Variants in OAT observed in about 807,000 individuals in gnomAD.
OAT encodes ornithine aminotransferase, mitochondrial.
OAT carries 35 observed loss-of-function variants against 48.4 expected under a neutral mutation model. That is an observed-to-expected ratio of 0.72 (90% CI 0.55 to 0.96). The LOEUF (loss-of-function observed/expected upper bound fraction) is 0.96. Among genes scored for constraint, OAT ranks in the 40% least tolerant of loss-of-function variants. The pLI, the probability that OAT is intolerant of heterozygous loss-of-function variation, is 0.00. For synonymous variants in OAT, 182 were observed against 198.4 expected (o/e 0.92, Z 0.70); for missense variants, 438 against 537.9 (o/e 0.81, Z 1.84).
At position 124,417,234 on chromosome 10, in the gene OAT, C is replaced by A. The variant is rs552649156; in HGVS notation, c.-30+1639G>T. Among the ~76,000 whole-genome samples the A allele has an allele frequency of 3.6e-5, 5 of 140,704 alleles. No individual in the cohort carries two copies. The East Asian group carries it at 1.0e-3, about 29-fold the overall frequency. 92.3% of individuals were successfully genotyped at this position (140,704 alleles called of 152,430 possible). ...TGGATTTTTCTTTGGGGGGGGGATG[C>A]AAAACTAATCTTAAACACCATGAAA... is the stretch of plus-strand genomic sequence containing the variant. On this transcript the variant is annotated intron_variant, in intron 1 of 9. Coordinates refer to ENST00000368845, the MANE Select transcript of OAT (RefSeq NM_000274.4).
intron 9 of OAT, 118 bp from the exon 10 acceptor site, chr10:124,398,220 G>A (rs1951292497): frequency 2.6e-6 from 3 of 1,174,028 alleles, no homozygotes; most frequent in Admixed American, 2.0e-5. Context: ...CTCAACTAAG[G>A]GAAGCTTGGG....
At chr10:124,408,481 T>C in intron 4 of OAT, 61 bp downstream of exon 4, 2 of 1,455,098 alleles carry the variant, frequency 1.4e-6, no homozygotes, top group Non-Finnish European at 9.6e-7. Flanking sequence ...CCACCATGCC[T>C]GGCCACAGTA....
intron 9 of OAT, among the ~76,000 whole-genome samples, chr10:124,399,832 A>G (rs909546571): frequency 6.6e-6 from 1 of 152,190 alleles, no homozygotes; most frequent in African/African-American, 2.4e-5. Flanking sequence ...TGTCATTCAT[A>G]TCATTATTTC....
chr10:124,411,154 AAAAAAAAAAAG>A lies in OAT; in HGVS notation c.199+808_199+818del, dbSNP rs1287062732. ...CATTCCGTCTCAAAAAAAAAAAAAA[AAAAAAAAAAAG>A]AAGAAGAGATGTCATGTCTGCAACT... On this transcript the variant is annotated intron_variant, in intron 2 of 9. Coordinates refer to ENST00000368845, the MANE Select transcript of OAT (RefSeq NM_000274.4). 2.0e-4 allele frequency among the ~76,000 whole-genome samples: 29 copies of A among 145,842 alleles called. 1 individual carries two copies. The highest frequency in any genetic ancestry group is 4.1e-4 in the Admixed American group (6 of 14,494).
intron 2 of OAT, among the ~76,000 whole-genome samples, chr10:124,409,662 AT>A (rs534123065): frequency 1.2e-4 from 19 of 152,192 alleles, no homozygotes; most frequent in Non-Finnish European, 2.4e-4. Flanking sequence ...TGGAAAAAAA[AT>A]ATTTGTAAAT....
At chr10:124,399,929 C>A (rs1450416895) in intron 9 of OAT, among the ~76,000 whole-genome samples, 1 of 152,046 alleles carries the variant, frequency 6.6e-6, no homozygotes, top group East Asian at 1.9e-4. Flanking sequence ...TCCAGACTCA[C>A]CAACAAAAAA....
At chr10:124,410,587 C>T (rs1004629973) in intron 2 of OAT, among the ~76,000 whole-genome samples, 1 of 152,084 alleles carries the variant, frequency 6.6e-6, no homozygotes, top group Non-Finnish European at 1.5e-5. Flanking sequence ...GGTAGGATCA[C>T]TTGAGACCAG....
intron 4 of OAT, 120 bp from the exon 5 acceptor site, chr10:124,405,683 C>A: frequency 6.5e-7 from 1 of 1,536,910 alleles, no homozygotes; most frequent in Non-Finnish European, 8.8e-7. Flanking sequence ...TGCTTTAGTG[C>A]ACCTTCGGTG....
chr10:124,405,554 A>C lies in OAT; in HGVS notation c.530T>G (p.Phe177Cys). ...GATAGCAGACAACGTCCTACCCCAG[A>C]AGTTCCCAGCTACAAAGGGGAAACA... ...KAKIVFAAGN[F>C]WGRTLSAISS... Residue 177 changes from phenylalanine to cysteine, a missense_variant, in exon 5 of 10, where the codon TTC (phenylalanine) becomes TGC (cysteine). Phe to Cys is a radical substitution (Grantham distance 205, BLOSUM62 -2). Coordinates refer to ENST00000368845, the MANE Select transcript of OAT (RefSeq NM_000274.4). 2 of 1,614,002 alleles carry C rather than the reference A, an allele frequency of 1.2e-6. No individual in the cohort carries two copies. The highest frequency in any genetic ancestry group is 1.7e-6 in the Non-Finnish European group (2 of 1,179,900).
rs779470531 is a variant in OAT at position 124,405,423 on chromosome 10, G to A, written c.648+13C>T. 21 of 1,612,218 alleles carry A rather than the reference G, an allele frequency of 1.3e-5. No individual in the cohort carries two copies. The highest frequency in any genetic ancestry group is 2.2e-5 in the East Asian group (1 of 44,860). On this transcript the variant is annotated intron_variant, in intron 5 of 9. Coordinates refer to ENST00000368845, the MANE Select transcript of OAT (RefSeq NM_000274.4). Reference sequence around the variant, plus strand: ...TTCCCAATGAGCTGAGCACTATGATGCTAGTGAAATACCTCCAGTGCGGGC... The same window carrying A: ...TTCCCAATGAGCTGAGCACTATGATACTAGTGAAATACCTCCAGTGCGGGC...
At chr10:124,412,222 CA>C in intron 1 of OAT, 22 bp from the exon 2 acceptor site, 1 of 1,550,578 alleles carries the variant, frequency 6.4e-7, no homozygotes, top group South Asian at 1.1e-5. Context: ...AAAGAGAATG[CA>C]TTAAGAGTGA....
intron 9 of OAT, among the ~76,000 whole-genome samples, 193 bp downstream of exon 9, chr10:124,400,647 G>T (rs1445205902): frequency 6.6e-6 from 1 of 152,084 alleles, no homozygotes; most frequent in Non-Finnish European, 1.5e-5. Context: ...CAGCTACTCA[G>T]GAGGCTGAGG....
intron 5 of OAT, among the ~76,000 whole-genome samples, chr10:124,404,123 T>C (rs1001993827): frequency 5.3e-5 from 8 of 152,160 alleles, no homozygotes; most frequent in Non-Finnish European, 1.0e-4. Context: ...TACATTTCCT[T>C]TTTTGCCTCA....
At position 124,408,898 on chromosome 10, in the gene OAT, G is replaced by C; in HGVS notation, c.267C>G (p.Asn89Lys). 6.2e-7 allele frequency: 1 copy of C among 1,613,932 alleles called. No individual in the cohort carries two copies. The highest frequency in any genetic ancestry group is 8.5e-7 in the Non-Finnish European group (1 of 1,179,990). The change falls in exon 3 of 10, where the codon AAC (asparagine) becomes AAG (lysine). Residue 89 changes from asparagine (N) to lysine (K), a missense_variant. Transcript: ENST00000368845. ...FDFLSSYSAV[N>K]QGHCHPKIVN... is the part of the protein sequence containing the mutation. ...CAATCTTGGGGTGACAATGCCCTTG[G>C]TTGACAGCACTGTAAGAACTCAGGA...
chr10:124,412,795 C>T (rs1951799607), intron 1 of OAT, among the ~76,000 whole-genome samples: 1 of 152,136 alleles, frequency 6.6e-6, no homozygotes, highest in South Asian at 2.1e-4. Flanking sequence ...ATCAATCAAC[C>T]AACCAATCAA....
rs760716065 is a variant in OAT, at chr10:124,412,123, C to T, written c.49G>A (p.Gly17Arg). The change falls in exon 2 of 10, where the codon GGA (glycine) becomes AGA (arginine). Residue 17 changes from glycine to arginine, a missense_variant. Coordinates refer to ENST00000368845, the MANE Select transcript of OAT (RefSeq NM_000274.4). ...HLQRFAVLSRGVHSSVASATS... is the reference protein window; with the variant it reads ...HLQRFAVLSRRVHSSVASATS... ...GCAGAAGCCACTGAAGAATGAACTC[C>T]GCGACTAAGTACAGCAAACCTCTGC... is the stretch of plus-strand genomic sequence containing the variant. 1.3e-5 allele frequency: 21 copies of T among 1,613,900 alleles called. No individual in the cohort carries two copies. Among genetic ancestry groups the T allele is most frequent in the Middle Eastern group, 1.6e-4 (1 of 6,082 alleles).
chr10:124,397,993 A>G lies in OAT; in HGVS notation c.1269T>C (p.Asp423=). 2 of 1,613,380 alleles carry G rather than the reference A, an allele frequency of 1.2e-6. No homozygotes were observed. The highest frequency in any genetic ancestry group is 2.7e-5 in the African/African-American group (2 of 75,034). Reference sequence around the variant, plus strand: ...TAATTTCAATGGACTCTCGAAGCTCATCCTCCTTGATCACCAGCGGAGGCG... The same window carrying G: ...TAATTTCAATGGACTCTCGAAGCTCGTCCTCCTTGATCACCAGCGGAGGCG... ...RFAPPLVIKE[D]ELRESIEIIN... The change falls in exon 10 of 10, where the codon GAT becomes GAC. Residue 423 remains aspartate, a synonymous_variant. Transcript: ENST00000368845.
chr10:124,418,369 C>T (rs957508273), intron 1 of OAT, among the ~76,000 whole-genome samples: 1 of 152,180 alleles, frequency 6.6e-6, no homozygotes, highest in Admixed American at 6.5e-5. Context: ...GCTCCCCCGT[C>T]CCCAGAACGC....
At chr10:124,408,343 A>ATATT (rs1434453635) in intron 4 of OAT, among the ~76,000 whole-genome samples, 199 bp downstream of exon 4, 53 of 83,762 alleles carry the variant, frequency 6.3e-4, no homozygotes, top group East Asian at 5.3e-3. Flanking sequence ...ATATATATAT[A>ATATT]TTTTTTTTTT....
Sources: allele counts gnomAD v4.1 joint callset (sites outside exome capture counted in the v4.1 genomes callset), GRCh38; gene constraint gnomAD v4.1.1; transcripts MANE v1.5; gene names NCBI Gene and HGNC (gene_info 2026-07-23, HGNC 2026-07-21).